Variants in IMMP2L observed in about 807,000 individuals in gnomAD.
The protein encoded by IMMP2L is mitochondrial inner membrane protease subunit 2.
IMMP2L carries 18 observed loss-of-function variants against 19.3 expected under a neutral mutation model. The observed-to-expected ratio is 0.93, with a 90% CI of 0.64 to 1.38. IMMP2L has a LOEUF of 1.38. IMMP2L is among the 40% of genes most tolerant of loss of function. The pLI is 0.00. For synonymous variants in IMMP2L, 76 were observed against 73.0 expected (o/e 1.04, Z -0.21); for missense variants, 233 against 218.2 (o/e 1.07, Z -0.43).
chr7:111,091,783 G>A (rs1051382449), intron 3 of IMMP2L, among the ~76,000 whole-genome samples: 5 of 151,684 alleles, frequency 3.3e-5, no homozygotes, highest in African/African-American at 1.2e-4. Flanking sequence ...TTGGGGGGAG[G>A]AGAAAAAGGA....
intron 3 of IMMP2L, among the ~76,000 whole-genome samples, chr7:111,030,503 C>A (rs75868249): frequency 0.013 from 1,965 of 152,100 alleles, 14 homozygotes; most frequent in Non-Finnish European, 0.018. Context: ...AATATCTACA[C>A]AACAAACATG....
chr7:111,115,970 T>A (rs1445828609), intron 3 of IMMP2L, among the ~76,000 whole-genome samples: 1 of 151,942 alleles, frequency 6.6e-6, no homozygotes, highest in Admixed American at 6.6e-5. Context: ...AGCCACCACA[T>A]CCGGCCGGAA....
In IMMP2L at chr7:110,811,412, A is replaced by C. The variant is rs751566327; in HGVS notation, c.408+75181T>G. 4.8e-4 allele frequency among the ~76,000 whole-genome samples: 73 copies of C among 152,030 alleles called. 1 individual carries two copies. The highest frequency in any genetic ancestry group is 1.8e-4 in the Non-Finnish European group (12 of 67,960). ...CATTAGCCTGGTGAGAAATGTGATAAAGGTTCATATATTCATAAACAAATA... is the reference window on the plus strand; with the variant it reads ...CATTAGCCTGGTGAGAAATGTGATACAGGTTCATATATTCATAAACAAATA... On this transcript the variant is annotated intron_variant, in intron 5 of 5. Transcript: ENST00000405709.
At chr7:111,470,848 T>A (rs978478217) in intron 3 of IMMP2L, among the ~76,000 whole-genome samples, 4 of 150,222 alleles carry the variant, frequency 2.7e-5, no homozygotes, top group Non-Finnish European at 5.9e-5. Context: ...CACATTGTGC[T>A]CATGTACCCT....
At chr7:110,834,389 T>TTATA (rs145376725) in intron 5 of IMMP2L, among the ~76,000 whole-genome samples, 55 of 150,264 alleles carry the variant, frequency 3.7e-4, no homozygotes, top group African/African-American at 1.2e-3. Context: ...ATATGCAACT[T>TTATA]TATATATATA....
chr7:110,884,862 A>G (rs1259783573), intron 5 of IMMP2L, among the ~76,000 whole-genome samples: 1 of 152,026 alleles, frequency 6.6e-6, no homozygotes, highest in Admixed American at 6.6e-5. Flanking sequence ...TGCAACTAGA[A>G]AAAAAAGAAG....
intron 3 of IMMP2L, among the ~76,000 whole-genome samples, chr7:111,086,376 G>T (rs562792565): frequency 3.9e-5 from 6 of 152,212 alleles, no homozygotes; most frequent in African/African-American, 1.4e-4. Flanking sequence ...GGATTTCGAG[G>T]TTATTGCAGT....
chr7:111,156,672 T>C (rs999559573), intron 3 of IMMP2L, among the ~76,000 whole-genome samples: 1 of 152,096 alleles, frequency 6.6e-6, no homozygotes, highest in African/African-American at 2.4e-5. Context: ...TCCTTAGGTA[T>C]TTGATGACTT....
chr7:111,469,322 C>G (rs938269311), intron 3 of IMMP2L, among the ~76,000 whole-genome samples: 1 of 152,002 alleles, frequency 6.6e-6, no homozygotes, highest in South Asian at 2.1e-4. Flanking sequence ...GGGGATGGCA[C>G]TGAATCTATA....
intron 3 of IMMP2L, among the ~76,000 whole-genome samples, chr7:111,238,907 TAAC>T (rs1814661176): frequency 6.6e-6 from 1 of 151,934 alleles, no homozygotes; most frequent in Non-Finnish European, 1.5e-5. Flanking sequence ...AAGACAGGCA[TAAC>T]AACAACTGCC....
chr7:111,293,886 CAAGAT>C (rs1032567510), intron 3 of IMMP2L, among the ~76,000 whole-genome samples: 7 of 151,870 alleles, frequency 4.6e-5, no homozygotes, highest in African/African-American at 1.7e-4. Flanking sequence ...ATACATAAAT[CAAGAT>C]ATAGATTTCA....
intron 3 of IMMP2L, among the ~76,000 whole-genome samples, chr7:111,099,675 T>C (rs1240545693): frequency 6.6e-6 from 1 of 151,604 alleles, no homozygotes; most frequent in Non-Finnish European, 1.5e-5. Flanking sequence ...CACATCAACA[T>C]ACATTTTCTA....
intron 3 of IMMP2L, among the ~76,000 whole-genome samples, chr7:111,108,520 A>G (rs1798807333): frequency 6.6e-6 from 1 of 152,180 alleles, no homozygotes; most frequent in Non-Finnish European, 1.5e-5. Context: ...TAAAAAAGAT[A>G]TACGAACAAA....
intron 3 of IMMP2L, among the ~76,000 whole-genome samples, chr7:111,416,557 G>A (rs1007269072): frequency 2.6e-5 from 4 of 151,702 alleles, no homozygotes; most frequent in African/African-American, 4.9e-5. Flanking sequence ...AATTTCCTAA[G>A]AGAAAAATAA....
chr7:110,771,058 G>A (rs1185201590), intron 5 of IMMP2L, among the ~76,000 whole-genome samples: 2 of 152,112 alleles, frequency 1.3e-5, no homozygotes, highest in Non-Finnish European at 2.9e-5. Context: ...GGAAAAGGGG[G>A]AAGACAATGA....
rs532461353 is a variant in IMMP2L, at chr7:110,730,868, G to A, written c.409-67147C>T. 3.9e-5 allele frequency among the ~76,000 whole-genome samples: 6 copies of A among 152,224 alleles called. No individual in the cohort carries two copies. The South Asian group carries it at 8.3e-4, about 21-fold the overall frequency. On this transcript the variant is annotated intron_variant, in intron 5 of 5. Transcript: ENST00000405709. Reference sequence around the variant, plus strand: ...CCTCAGTTTGCAGACACCCTCTTATGGGACTTCACCTTGTGATCGTGTGAG... The same window carrying A: ...CCTCAGTTTGCAGACACCCTCTTATAGGACTTCACCTTGTGATCGTGTGAG...
chr7:110,923,450 C>A (rs992556896), intron 4 of IMMP2L, among the ~76,000 whole-genome samples: 1 of 152,020 alleles, frequency 6.6e-6, no homozygotes, highest in Non-Finnish European at 1.5e-5. Flanking sequence ...AACAGAAAGT[C>A]TTAAAAGAAA....
chr7:110,977,912 A>G (rs1181898071), intron 3 of IMMP2L, among the ~76,000 whole-genome samples: 1 of 152,084 alleles, frequency 6.6e-6, no homozygotes, highest in African/African-American at 2.4e-5. Flanking sequence ...GGGAAATTTA[A>G]TTGCTCCAGT....
intron 5 of IMMP2L, among the ~76,000 whole-genome samples, chr7:110,872,017 C>A (rs960627454): frequency 6.6e-6 from 1 of 152,070 alleles, no homozygotes; most frequent in African/African-American, 2.4e-5. Flanking sequence ...ACTTATCTCT[C>A]CTCCCTCTCT....
Sources: allele counts gnomAD v4.1 joint callset (sites outside exome capture counted in the v4.1 genomes callset), GRCh38; gene constraint gnomAD v4.1.1; transcripts MANE v1.5; gene names NCBI Gene and HGNC (gene_info 2026-07-23, HGNC 2026-07-21).